ADCY2: variants seen among roughly 807,000 people sequenced by gnomAD.
ADCY2 encodes the protein adenylate cyclase 2.
Under a neutral mutation model 125.2 loss-of-function variants are expected in ADCY2, and 31 were observed. The ratio of observed to expected loss-of-function variants is 0.25; its 90% CI spans 0.19 to 0.33. The LOEUF is 0.33. Among genes scored for constraint, ADCY2 ranks in the 10% least tolerant of loss-of-function variants. ADCY2 has a pLI of 1.00. For synonymous variants in ADCY2, 512 were observed against 548.4 expected (o/e 0.93, Z 0.93); for missense variants, 904 against 1,418.2 (o/e 0.64, Z 5.82).
intron 1 of ADCY2, among the ~76,000 whole-genome samples, chr5:7,397,920 A>G (rs900557267): frequency 1.3e-5 from 2 of 152,180 alleles, no homozygotes; most frequent in Non-Finnish European, 2.9e-5. Flanking sequence ...CCAGCCTTCT[A>G]TGCTCTCTGG....
intron 3 of ADCY2, among the ~76,000 whole-genome samples, chr5:7,599,654 T>C (rs1034669311): frequency 3.9e-5 from 6 of 152,042 alleles, no homozygotes; most frequent in African/African-American, 1.4e-4. Flanking sequence ...GTATCAACCA[T>C]GGGAGCCAAC....
chr5:7,727,978 A>T (rs1342943518), intron 14 of ADCY2, among the ~76,000 whole-genome samples: 1 of 152,146 alleles, frequency 6.6e-6, no homozygotes, highest in Non-Finnish European at 1.5e-5. Context: ...TCATTTTATG[A>T]TCTAAAGAAA....
intron 3 of ADCY2, among the ~76,000 whole-genome samples, chr5:7,568,713 A>G (rs981386047): frequency 1.3e-5 from 2 of 152,204 alleles, no homozygotes; most frequent in Non-Finnish European, 2.9e-5. Flanking sequence ...AGTTAAATCA[A>G]AAATTCACCA....
chr5:7,598,362 A>G (rs890947870), intron 3 of ADCY2, among the ~76,000 whole-genome samples: 4 of 152,210 alleles, frequency 2.6e-5, no homozygotes, highest in African/African-American at 4.8e-5. Context: ...GAGTCCCACC[A>G]TCAAGGACAT....
At chr5:7,647,853 C>G (rs545956524) in intron 4 of ADCY2, among the ~76,000 whole-genome samples, 5 of 152,304 alleles carry the variant, frequency 3.3e-5, no homozygotes, top group African/African-American at 1.2e-4. Flanking sequence ...TTCTAATATT[C>G]TCTTTTCCCC....
At chr5:7,721,195 C>T in intron 12 of ADCY2, among the ~76,000 whole-genome samples, 1 of 152,160 alleles carries the variant, frequency 6.6e-6, no homozygotes, top group Admixed American at 6.5e-5. Context: ...TAAATGTCTT[C>T]TTTTGAGAAG....
chr5:7,454,535 A>G (rs1741599498), intron 2 of ADCY2, among the ~76,000 whole-genome samples: 1 of 152,242 alleles, frequency 6.6e-6, no homozygotes, highest in South Asian at 2.1e-4. Flanking sequence ...TGCCTCTTCC[A>G]AATATTGGTG....
chr5:7,494,841 A>G (rs946979192), intron 2 of ADCY2, among the ~76,000 whole-genome samples: 1 of 152,202 alleles, frequency 6.6e-6, no homozygotes, highest in Non-Finnish European at 1.5e-5. Flanking sequence ...TGATTAGTTG[A>G]ACTTGTAGGT....
chr5:7,707,730 C>G lies in ADCY2; in HGVS notation c.1293C>G (p.Thr431=), dbSNP rs1386226804. The G allele has an allele frequency of 1.2e-6, 2 of 1,613,800 alleles. No homozygotes were observed. The highest frequency in any genetic ancestry group is 1.7e-5 in the Admixed American group (1 of 59,984). The part of the protein sequence containing the change: ...VPGRVHISSV[T]LEHLNGAYKV... ...GACGTGTTCACATTTCTTCTGTCAC[C>G]CTGGAGCACTTGAATGGCGCTTATA... The change falls in exon 9 of 25, where the codon ACC becomes ACG. Residue 431 remains threonine, a synonymous_variant. Coordinates refer to ENST00000338316, the MANE Select transcript of ADCY2 (RefSeq NM_020546.3).
chr5:7,760,561 G>A (rs995138664), intron 16 of ADCY2, among the ~76,000 whole-genome samples: 1 of 152,178 alleles, frequency 6.6e-6, no homozygotes, highest in African/African-American at 2.4e-5. Flanking sequence ...GCCAGTAGCA[G>A]CACATATGAG....
At position 7,711,601 on chromosome 5, in the gene ADCY2, C is replaced by CT. The variant is rs542407699; in HGVS notation, c.1579-1251dup. On this transcript the variant is annotated intron_variant, in intron 10 of 24. Transcript: ENST00000338316. Reference sequence around the variant, plus strand: ...TCTTAAGACTTAAGAGTGACTGTCTCTTTTATTATCTGAGCGTAGGATCCA... The same window carrying CT: ...TCTTAAGACTTAAGAGTGACTGTCTCTTTTTATTATCTGAGCGTAGGATCCA... Among the ~76,000 whole-genome samples, 445 of 152,232 alleles carry CT rather than the reference C, an allele frequency of 2.9e-3. 1 individual carries two copies. The highest frequency in any genetic ancestry group is 5.0e-3 in the Non-Finnish European group (342 of 68,008).
intron 3 of ADCY2, among the ~76,000 whole-genome samples, chr5:7,565,138 A>G (rs1735849960): frequency 6.6e-6 from 1 of 152,224 alleles, no homozygotes; most frequent in Non-Finnish European, 1.5e-5. Context: ...CCGGTGGCCC[A>G]GCTCACATGC....
chr5:7,436,179 G>A (rs1478211808), intron 2 of ADCY2, among the ~76,000 whole-genome samples: 1 of 152,128 alleles, frequency 6.6e-6, no homozygotes, highest in Non-Finnish European at 1.5e-5. Flanking sequence ...TTGATTTGTT[G>A]ACGAAAATAT....
intron 1 of ADCY2, among the ~76,000 whole-genome samples, chr5:7,398,815 G>C (rs1034679873): frequency 3.3e-5 from 5 of 152,196 alleles, no homozygotes; most frequent in Non-Finnish European, 7.3e-5. Context: ...GACCTGAGTC[G>C]GGACTGGGAT....
At chr5:7,726,588 G>A (rs1455494203) in intron 13 of ADCY2, among the ~76,000 whole-genome samples, 1 of 152,092 alleles carries the variant, frequency 6.6e-6, no homozygotes, top group Admixed American at 6.5e-5. Context: ...TGCACTGGAC[G>A]AGAGAAAGGA....
At chr5:7,547,723 C>T (rs928245823) in intron 3 of ADCY2, among the ~76,000 whole-genome samples, 1 of 152,204 alleles carries the variant, frequency 6.6e-6, no homozygotes, top group South Asian at 2.1e-4. Context: ...GTAGATGTGT[C>T]AGCAGGGGCT....
intron 3 of ADCY2, among the ~76,000 whole-genome samples, chr5:7,597,320 T>C (rs553520346): frequency 3.9e-5 from 6 of 152,320 alleles, no homozygotes; most frequent in South Asian, 4.1e-4. Flanking sequence ...CTTTGAGAAG[T>C]TGGGCACCTC....
At chr5:7,707,234 C>G (rs1224123253) in intron 8 of ADCY2, among the ~76,000 whole-genome samples, 1 of 152,120 alleles carries the variant, frequency 6.6e-6, no homozygotes, top group Non-Finnish European at 1.5e-5. Flanking sequence ...AACTGTTGAC[C>G]TCTAAAACCA....
intron 4 of ADCY2, among the ~76,000 whole-genome samples, chr5:7,634,398 C>G (rs188535978): frequency 6.6e-6 from 1 of 152,082 alleles, no homozygotes; most frequent in South Asian, 2.1e-4. Flanking sequence ...TGAGTGCTGT[C>G]AAGATTTTAT....
Sources: gnomAD v4.1 joint callset for allele counts (sites outside exome capture counted in the v4.1 genomes callset) on GRCh38, gnomAD v4.1.1 for gene constraint, MANE v1.5 for transcripts, NCBI Gene and HGNC (gene_info 2026-07-23, HGNC 2026-07-21) for gene names.